Variants in CEP170B observed in about 807,000 individuals in gnomAD.
CEP170B encodes centrosomal protein of 170 kDa protein B.
CEP170B carries 55 observed loss-of-function variants against 120.6 expected under a neutral mutation model. The ratio of observed to expected loss-of-function variants is 0.46; its 90% CI spans 0.37 to 0.57. The LOEUF (loss-of-function observed/expected upper bound fraction) is 0.57. Among genes scored for constraint, CEP170B ranks in the 20% least tolerant of loss-of-function variants. The pLI, the probability that CEP170B is intolerant of heterozygous loss-of-function variation, is 0.00. For synonymous variants in CEP170B, 1,033 were observed against 954.5 expected, an observed-to-expected ratio of 1.08 and a Z score of -1.52; for missense variants, 2,212 against 2,253.3, an observed-to-expected ratio of 0.98 and a Z score of 0.37.
intron 2 of CEP170B, 40 bp from the exon 3 acceptor site, chr14:104,876,216 T>C (rs905525046): frequency 6.5e-7 from 1 of 1,546,018 alleles, no homozygotes; most frequent in South Asian, 1.2e-5. Context: ...TGTCACCTCC[T>C]CCCCTGGAGC....
In CEP170B at chr14:104,894,795, T is replaced by C. The variant is rs755632907; in HGVS notation, c.4502T>C (p.Leu1501Pro). ...TTGGCCAGCTCTGCACAGCCGGGGC[T>C]GGGGAAGGGCCGCGTGGCTGCCCAG... ...RSLASSAQPG[L>P]GKGRVAAQSP... is the part of the protein sequence containing the mutation. Residue 1501 changes from leucine to proline, a missense_variant, in exon 19 of 19, where the codon CTG (leucine) becomes CCG (proline). Physicochemically the swap from Leu to Pro is moderately conservative, Grantham distance 98. Around this residue, in one of 2 missense-constraint regions of CEP170B, gnomAD observed 2,166 missense variants for 2,166.7 expected, o/e 1.00. Coordinates refer to ENST00000414716, the MANE Select transcript of CEP170B (RefSeq NM_001112726.3). 6.2e-7 allele frequency: 1 copy of C among 1,607,924 alleles called. No homozygotes were observed. Among genetic ancestry groups the C allele is most frequent in the Non-Finnish European group, 8.5e-7 (1 of 1,179,104 alleles).
chr14:104,883,975 A>G lies in CEP170B; in HGVS notation c.1196A>G (p.His399Arg). Reference sequence around the variant, plus strand: ...AAGCGGGACCCCCAGGAGCTACTACATAACCAGCAGGCCTTTGTCATCGAG... The same window carrying G: ...AAGCGGGACCCCCAGGAGCTACTACGTAACCAGCAGGCCTTTGTCATCGAG... The part of the protein sequence containing the change: ...QIKRDPQELL[H>R]NQQAFVIEFF... Residue 399 changes from histidine (H) to arginine (R), a missense_variant, in exon 9 of 19, where the codon CAT becomes CGT. Around this residue, in one of 2 missense-constraint regions of CEP170B, gnomAD observed 2,166 missense variants for 2,166.7 expected, o/e 1.00. Transcript: ENST00000414716. 3.7e-6 allele frequency: 6 copies of G among 1,610,062 alleles called. No homozygotes were observed. The highest frequency in any genetic ancestry group is 1.3e-5 in the African/African-American group (1 of 75,008).
Position 104,886,342 on chromosome 14 carries a change from C to T in CEP170B, c.2103C>T (p.Leu701=). The change falls in exon 12 of 19, where the codon CTC becomes CTT. Residue 701 remains leucine, a synonymous_variant. Transcript: ENST00000414716. ...GSLPVRMRRR[L]PQLPSERADS... ...TGCCTGTGCGCATGCGGCGACGGCTCCCTCAGCTGCCCAGTGAGAGGGCTG... is the reference window on the plus strand; with the variant it reads ...TGCCTGTGCGCATGCGGCGACGGCTTCCTCAGCTGCCCAGTGAGAGGGCTG... The T allele has an allele frequency of 6.4e-7, 1 of 1,566,464 alleles. No individual in the cohort carries two copies. The highest frequency in any genetic ancestry group is 8.6e-7 in the Non-Finnish European group (1 of 1,159,170).
intron 2 of CEP170B, among the ~76,000 whole-genome samples, chr14:104,873,097 G>A (rs1178939685): frequency 6.6e-6 from 1 of 152,096 alleles, no homozygotes; most frequent in Non-Finnish European, 1.5e-5. Context: ...GGAGTTTCTG[G>A]AAGGGGGTTC....
chr14:104,894,018 C>T (rs6576062), intron 16 of CEP170B, 169 bp downstream of exon 16: 428,748 of 711,144 alleles, frequency 0.6, 142,060 homozygotes, highest in Middle Eastern at 0.73. Flanking sequence ...CAGGCAGACC[C>T]TGAACTCAGA....
rs568459265 is a variant in CEP170B, at chr14:104,865,719, C to T, written c.-28+206C>T. Among the ~76,000 whole-genome samples, 1 of 151,920 alleles carries T rather than the reference C, an allele frequency of 6.6e-6. No individual in the cohort carries two copies. The highest frequency in any genetic ancestry group is 1.5e-5 in the Non-Finnish European group (1 of 67,912). ...TGCGCCAGGCCGGGAGGAGCCGCCC[C>T]GTTTCTACGCGGCCTGCGGAGGGGG... On this transcript the variant is annotated intron_variant, in intron 1 of 18. Transcript: ENST00000414716. The surrounding 1 kb of genome is among the most constrained non-coding windows in gnomAD (Gnocchi z 6.7).
rs1566852574 is a variant in CEP170B at position 104,872,412 on chromosome 14, CCGTGGGTGTGCCGTGCGTGTGTG to C, written c.106-3839_106-3817del. On this transcript the variant is annotated intron_variant, in intron 2 of 18. Coordinates refer to ENST00000414716, the MANE Select transcript of CEP170B (RefSeq NM_001112726.3). ...TGTGCCGTGGGTGTGCGTGGGTGTG[CCGTGGGTGTGCCGTGCGTGTGTG>C]CGTGTGTGTGCCATGTGTGTGCGTG... Among the ~76,000 whole-genome samples the C allele has an allele frequency of 6.4e-3, 380 of 58,992 alleles. 1 individual carries two copies. Among genetic ancestry groups the C allele is most frequent in the Middle Eastern group, 0.02 (1 of 50 alleles). 38.7% of individuals were successfully genotyped at this position (58,992 alleles called of 152,430 possible).
At position 104,887,438 on chromosome 14, in the gene CEP170B, A is replaced by G. The variant is rs776044715; in HGVS notation, c.3199A>G (p.Thr1067Ala). The change falls in exon 12 of 19, where the codon ACC becomes GCC. Residue 1067 changes from threonine to alanine, a missense_variant. This residue lies in a region of CEP170B where 2,166 missense variants were observed against 2,166.7 expected (regional missense o/e 1.00). Transcript: ENST00000414716. ...AGATGTGATGGCCTCCAACCACGAA[A>G]CCCCTGAGGCCACCGGGGCAGGACG... is the stretch of plus-strand genomic sequence containing the variant. ...SSDVMASNHE[T>A]PEATGAGRLG... 78 of 1,610,970 alleles carry G rather than the reference A, an allele frequency of 4.8e-5. No individual in the cohort carries two copies. Among genetic ancestry groups the G allele is most frequent in the Non-Finnish European group, 6.3e-5 (74 of 1,179,160 alleles).
intron 5 of CEP170B, among the ~76,000 whole-genome samples, chr14:104,879,958 G>A (rs1896058746): frequency 6.6e-6 from 1 of 152,074 alleles, no homozygotes; most frequent in African/African-American, 2.4e-5. Context: ...AGGGCCTAAG[G>A]GAGTCAGGTT....
In CEP170B at chr14:104,886,216, T is replaced by G. The variant is rs1896490598; in HGVS notation, c.2036-59T>G. 3 of 1,471,330 alleles carry G rather than the reference T, an allele frequency of 2.0e-6. No homozygotes were observed. The East Asian group carries it at 7.4e-5, about 36-fold the overall frequency. 91.1% of individuals were successfully genotyped at this position (1,471,330 alleles called of 1,614,324 possible). A position where few individuals can be genotyped will look rare whatever the true frequency, so the allele number is the denominator to read the frequency against. Reference sequence around the variant, plus strand: ...ACCACGGACACAGGCTGCCTCTTCCTGAGCGTGGAGGGCCTGCAGACCAGC... The same window carrying G: ...ACCACGGACACAGGCTGCCTCTTCCGGAGCGTGGAGGGCCTGCAGACCAGC... On this transcript the variant is annotated intron_variant, in intron 11 of 18. Transcript: ENST00000414716.
At chr14:104,881,201 GC>G (rs1896137308) in intron 6 of CEP170B, among the ~76,000 whole-genome samples, 2 of 152,144 alleles carry the variant, frequency 1.3e-5, no homozygotes, top group Admixed American at 1.3e-4. Flanking sequence ...GAGGAGGACA[GC>G]TGCACGAGGG....
rs901090894 is a variant in CEP170B, at chr14:104,895,022, A to C, written c.*64A>C. The C allele has an allele frequency of 9.7e-6, 14 of 1,440,792 alleles. No homozygotes were observed. The Middle Eastern group carries it at 6.9e-4, about 71-fold the overall frequency. The allele number at this position is 1,440,792 out of a possible 1,614,324, so 89.3% of individuals were successfully genotyped here. On this transcript the variant is annotated 3_prime_UTR_variant, in exon 19 of 19. Transcript: ENST00000414716. The stretch of plus-strand genomic sequence containing the variant: ...CGTCTCTGCCTTCCGTCCGCCGCAC[A>C]CCCGCCTGCCTGGCCGCAGGTGGTT...
rs780151710 is a variant in CEP170B at position 104,886,807 on chromosome 14, C to T, written c.2568C>T (p.Pro856=). The change falls in exon 12 of 19, where the codon CCC becomes CCT. Residue 856 remains proline (P), a synonymous_variant. Coordinates refer to ENST00000414716, the MANE Select transcript of CEP170B (RefSeq NM_001112726.3). ...IQLRPGRSPE[P]DGPAPAFLRQ... is the part of the protein sequence containing the mutation. The stretch of plus-strand genomic sequence containing the variant: ...TACGGCCTGGACGGTCCCCAGAACC[C>T]GACGGCCCTGCCCCAGCCTTTCTCC... 7 of 1,611,284 alleles carry T rather than the reference C, an allele frequency of 4.3e-6. No individual in the cohort carries two copies. The highest frequency in any genetic ancestry group is 2.2e-5 in the East Asian group (1 of 44,880).
Position 104,877,974 on chromosome 14 carries a change from C to T in CEP170B, c.274+11C>T. The T allele has an allele frequency of 6.3e-7, 1 of 1,599,162 alleles. No homozygotes were observed. Among genetic ancestry groups the T allele is most frequent in the South Asian group, 1.1e-5 (1 of 88,758 alleles). On this transcript the variant is annotated intron_variant, in intron 4 of 18. Transcript: ENST00000414716. Reference sequence around the variant, plus strand: ...TCCGCTTCGGCTACGATATCCTGCCCCTGAGCGTCCCTCCTCCTGGGCTTC... The same window carrying T: ...TCCGCTTCGGCTACGATATCCTGCCTCTGAGCGTCCCTCCTCCTGGGCTTC...
At chr14:104,883,697 C>A (rs978983161) in intron 8 of CEP170B, 134 bp from the exon 9 acceptor site, 3 of 1,101,564 alleles carry the variant, frequency 2.7e-6, no homozygotes, top group African/African-American at 3.2e-5. Context: ...CACTTCTTTG[C>A]CCTGTGTGGG....
Position 104,887,595 on chromosome 14 carries a change from G to C in CEP170B, c.3356G>C (p.Arg1119Pro). ...LTRSNSLSTPRPTRASRLRRA... is the reference protein window; with the variant it reads ...LTRSNSLSTPPPTRASRLRRA... ...CGCTCCAACAGCCTGTCCACCCCTCGCCCCACACGGGCCTCCCGGCTGAGG... is the reference window on the plus strand; with the variant it reads ...CGCTCCAACAGCCTGTCCACCCCTCCCCCCACACGGGCCTCCCGGCTGAGG... The change falls in exon 12 of 19, where the codon CGC becomes CCC. Residue 1119 changes from arginine (R) to proline (P), a missense_variant. Around this residue, in one of 2 missense-constraint regions of CEP170B, gnomAD observed 2,166 missense variants for 2,166.7 expected, o/e 1.00. Transcript: ENST00000414716. The C allele has an allele frequency of 6.3e-7, 1 of 1,585,190 alleles. No homozygotes were observed. Among genetic ancestry groups the C allele is most frequent in the Non-Finnish European group, 8.6e-7 (1 of 1,167,324 alleles).
Position 104,867,005 on chromosome 14 carries a change from C to T in CEP170B, c.-27-1419C>T, listed in dbSNP as rs1225330200. On this transcript the variant is annotated intron_variant, in intron 1 of 18. Coordinates refer to ENST00000414716, the MANE Select transcript of CEP170B (RefSeq NM_001112726.3). The surrounding 1 kb of genome is among the most constrained non-coding windows in gnomAD (Gnocchi z 5.4). ...CTCAGGAGCTCTGGGGCCGGCCTCA[C>T]AGGTATGTGACTTGGAGACCCCCAC... 2.0e-5 allele frequency among the ~76,000 whole-genome samples: 3 copies of T among 152,222 alleles called. No individual in the cohort carries two copies. The highest frequency in any genetic ancestry group is 4.4e-5 in the Non-Finnish European group (3 of 68,038).
Position 104,883,505 on chromosome 14 carries a change from A to C in CEP170B, c.1048A>C (p.Lys350Gln). 6.5e-7 allele frequency: 1 copy of C among 1,538,366 alleles called. No homozygotes were observed. Among genetic ancestry groups the C allele is most frequent in the South Asian group, 1.2e-5 (1 of 82,982 alleles). ...CCTGCCTGTCCACACCCGCACCCTG[A>C]AGGGTGAGTGCCCAGCTGGCGGCCG... is the stretch of plus-strand genomic sequence containing the variant. ...SDLPVHTRTL[K>Q]GHKHEDGTQS... The change falls in exon 8 of 19, where the codon AAG (lysine) becomes CAG (glutamine). Residue 350 changes from lysine (K) to glutamine (Q), a missense_variant. Physicochemically the swap from Lys to Gln is moderately conservative, Grantham distance 53. Transcript: ENST00000414716.
chr14:104,890,853 G>A (rs1448320338), intron 13 of CEP170B, among the ~76,000 whole-genome samples: 1 of 129,990 alleles, frequency 7.7e-6, no homozygotes, highest in Non-Finnish European at 1.7e-5. Flanking sequence ...GGATGAATGA[G>A]TGGGTGGGTG....
Sources: allele counts gnomAD v4.1 joint callset (sites outside exome capture counted in the v4.1 genomes callset), GRCh38; gene constraint gnomAD v4.1.1; regional missense constraint gnomAD v4.1.1; non-coding constraint Gnocchi (gnomAD v3.1); transcripts MANE v1.5; gene names NCBI Gene and HGNC (gene_info 2026-07-23, HGNC 2026-07-21).